Variants in TMEM161B observed in about 807,000 individuals in gnomAD.
The protein encoded by TMEM161B is transmembrane protein 161B.
In TMEM161B, 34 loss-of-function variants were observed where a neutral mutation model predicts 61.8. That is an observed-to-expected ratio of 0.55 (90% CI 0.42 to 0.73). TMEM161B has a LOEUF of 0.73. Ranked by LOEUF, TMEM161B falls within the 30% of genes least tolerant of loss-of-function variation. TMEM161B has a pLI of 0.00. For missense variants in TMEM161B, 456 were observed against 558.5 expected (o/e 0.82, Z 1.85); for synonymous variants, 167 against 192.8 (o/e 0.87, Z 1.11).
At chr5:88,225,075 C>T (rs1749793729) in intron 4 of TMEM161B, among the ~76,000 whole-genome samples, 1 of 145,578 alleles carries the variant, frequency 6.9e-6, no homozygotes, top group Non-Finnish European at 1.5e-5. Flanking sequence ...TCACGTCATT[C>T]TCCTGCCTCA....
intron 1 of TMEM161B, among the ~76,000 whole-genome samples, chr5:88,264,807 A>G (rs1756154478): frequency 6.6e-6 from 1 of 152,272 alleles, no homozygotes; most frequent in African/African-American, 2.4e-5. Context: ...TGAAGCTGGA[A>G]GTCATCATTC....
chr5:88,204,165 A>T (rs2112394252), intron 8 of TMEM161B, among the ~76,000 whole-genome samples: 1 of 152,196 alleles, frequency 6.6e-6, no homozygotes, highest in African/African-American at 2.4e-5. Flanking sequence ...CTAACCTCTG[A>T]TATAAAAACA....
In TMEM161B at chr5:88,220,730, A is replaced by C; in HGVS notation, c.290-11T>G. The C allele has an allele frequency of 7.3e-7, 1 of 1,373,744 alleles. No homozygotes were observed. 85.1% of individuals were successfully genotyped at this position (1,373,744 alleles called of 1,614,324 possible). A position where few individuals can be genotyped will look rare whatever the true frequency, so the allele number is the denominator to read the frequency against. On this transcript the variant is annotated splice_polypyrimidine_tract_variant and intron_variant, in intron 4 of 11. Transcript: ENST00000296595. ...GAAAGTAATGCAATGCTGGAAAGAA[A>C]AAAAAAAAAAAAAAAAAAAAAGGTC...
At chr5:88,239,820 T>G (rs899718141) in intron 2 of TMEM161B, among the ~76,000 whole-genome samples, 7 of 152,034 alleles carry the variant, frequency 4.6e-5, no homozygotes, top group Non-Finnish European at 8.8e-5. Flanking sequence ...TGACCCTGAA[T>G]GAAAAGCGTA....
At chr5:88,237,575 A>C (rs1752064594) in intron 2 of TMEM161B, among the ~76,000 whole-genome samples, 1 of 152,072 alleles carries the variant, frequency 6.6e-6, no homozygotes, top group African/African-American at 2.4e-5. Context: ...TAACACTGAG[A>C]TTTTGGAAGT....
At chr5:88,190,202 G>A (rs1298091809), downstream of TMEM161B, 1 of 701,056 alleles carries the variant, frequency 1.4e-6, no homozygotes, top group Admixed American at 2.0e-5. Flanking sequence ...GATCTTCAAA[G>A]GGGGCTGCTC....
At chr5:88,196,565 T>A in intron 11 of TMEM161B, 77 bp from the exon 12 acceptor site, 1 of 1,401,600 alleles carries the variant, frequency 7.1e-7, no homozygotes, top group Non-Finnish European at 9.5e-7. Flanking sequence ...AATCTTCCTA[T>A]ATTTGAAATT....
In TMEM161B at chr5:88,207,143, C is replaced by T. The variant is rs756785917; in HGVS notation, c.484G>A (p.Val162Ile). The T allele has an allele frequency of 6.2e-7, 1 of 1,612,632 alleles. No homozygotes were observed. Among genetic ancestry groups the T allele is most frequent in the East Asian group, 2.2e-5 (1 of 44,694 alleles). ...ACAGATCTTTCACCACCATCTTCTA[C>T]TTTAAAATAGTGTGTAGTTAATGAA... ...LFSLTTHYFK[V>I]EDGGERSVCV... Residue 162 changes from valine to isoleucine, a missense_variant, in exon 6 of 12, where the codon GTA becomes ATA. Transcript: ENST00000296595.
At chr5:88,250,289 T>C (rs1754167735) in intron 1 of TMEM161B, among the ~76,000 whole-genome samples, 1 of 152,080 alleles carries the variant, frequency 6.6e-6, no homozygotes, top group African/African-American at 2.4e-5. Context: ...TCCCTCTTCC[T>C]GAGTGGCTTT....
intron 5 of TMEM161B, among the ~76,000 whole-genome samples, chr5:88,211,909 A>G (rs574903838): frequency 6.6e-6 from 1 of 152,114 alleles, no homozygotes; most frequent in East Asian, 1.9e-4. Flanking sequence ...AGACATAATC[A>G]AAGAAATTTT....
chr5:88,211,713 G>C (rs1300111011), intron 5 of TMEM161B, among the ~76,000 whole-genome samples: 2 of 150,102 alleles, frequency 1.3e-5, no homozygotes, highest in African/African-American at 4.9e-5. Context: ...GGAGGTTGCA[G>C]TGAGCCGAGA....
At chr5:88,230,782 A>G (rs1217115242) in intron 2 of TMEM161B, among the ~76,000 whole-genome samples, 2 of 152,206 alleles carry the variant, frequency 1.3e-5, no homozygotes, top group South Asian at 2.1e-4. Flanking sequence ...TTCTTGGCAC[A>G]GAGTTTTAAA....
At position 88,203,030 on chromosome 5, in the gene TMEM161B, C is replaced by A. The variant is rs767895550; in HGVS notation, c.846G>T (p.Leu282=). Residue 282 remains leucine (L), a synonymous_variant, in exon 9 of 12, where the codon CTG becomes CTT. Transcript: ENST00000296595. ...CTTTGGTGATTGGTTTTACCCAGAG[C>A]AGAACCATAAATAAAGGTGCCAAGA... The part of the protein sequence containing the change: ...INFLAPLFMV[L]LWVKPITKDY... The A allele has an allele frequency of 6.2e-7, 1 of 1,611,152 alleles. No individual in the cohort carries two copies. The highest frequency in any genetic ancestry group is 8.5e-7 in the Non-Finnish European group (1 of 1,177,798).
At chr5:88,217,495 T>A (rs561448372) in intron 5 of TMEM161B, among the ~76,000 whole-genome samples, 194 of 151,842 alleles carry the variant, frequency 1.3e-3, no homozygotes, top group Non-Finnish European at 2.1e-3. Flanking sequence ...AAGGAATTGG[T>A]TAGATGACAA....
intron 4 of TMEM161B, among the ~76,000 whole-genome samples, chr5:88,225,312 G>A (rs1276528431): frequency 2.0e-5 from 3 of 152,040 alleles, no homozygotes; most frequent in Admixed American, 6.5e-5. Flanking sequence ...CTTCTGGTTA[G>A]CAGTAGGCTA....
chr5:88,197,367 T>C (rs928800242), intron 11 of TMEM161B, among the ~76,000 whole-genome samples: 1 of 152,176 alleles, frequency 6.6e-6, no homozygotes, highest in Non-Finnish European at 1.5e-5. Flanking sequence ...TAAATCATCC[T>C]CTTATAACAT....
At chr5:88,188,829 G>T (rs549301071), downstream of TMEM161B, among the ~76,000 whole-genome samples, 1 of 152,214 alleles carries the variant, frequency 6.6e-6, no homozygotes, top group East Asian at 1.9e-4. Context: ...TTAGAGTTGG[G>T]GGGGGTGGTT....
intron 5 of TMEM161B, among the ~76,000 whole-genome samples, chr5:88,216,310 G>A (rs1747819728): frequency 6.6e-6 from 1 of 152,146 alleles, no homozygotes; most frequent in African/African-American, 2.4e-5. Context: ...CTAAAAAAAA[G>A]TAACATGACA....
At chr5:88,263,547 G>T (rs1260541734) in intron 1 of TMEM161B, among the ~76,000 whole-genome samples, 1 of 152,120 alleles carries the variant, frequency 6.6e-6, no homozygotes, top group Non-Finnish European at 1.5e-5. Flanking sequence ...AGAGTAAGTG[G>T]TATACAAAGA....
Sources: allele counts gnomAD v4.1 joint callset (sites outside exome capture counted in the v4.1 genomes callset), GRCh38; gene constraint gnomAD v4.1.1; transcripts MANE v1.5; gene names NCBI Gene and HGNC (gene_info 2026-07-23, HGNC 2026-07-21).